Variants in EYS observed in about 807,000 individuals in gnomAD.
EYS encodes the protein protein eyes shut homolog.
EYS carries 250 observed loss-of-function variants against 282.1 expected under a neutral mutation model. The ratio of observed to expected loss-of-function variants is 0.89; its 90% CI spans 0.80 to 0.98. The LOEUF (loss-of-function observed/expected upper bound fraction) is 0.98. EYS is among the 50% of genes least tolerant of loss of function. EYS has a pLI of 0.00. For synonymous variants in EYS, 1,355 were observed against 1,282.9 expected (o/e 1.06, Z -1.20); for missense variants, 4,016 against 3,709.0 (o/e 1.08, Z -2.15).
At chr6:65,111,956 C>T (rs1481388508) in intron 12 of EYS, among the ~76,000 whole-genome samples, 1 of 152,260 alleles carries the variant, frequency 6.6e-6, no homozygotes, top group Non-Finnish European at 1.5e-5. Context: ...TACTCACTTT[C>T]AACTTGGAGC....
chr6:65,172,576 T>A (rs1028370601), intron 12 of EYS, among the ~76,000 whole-genome samples: 7 of 151,402 alleles, frequency 4.6e-5, no homozygotes, highest in African/African-American at 1.7e-4. Context: ...AAATTTATAT[T>A]AAAAATTCAT....
rs145715169 is a variant in EYS at position 63,914,835 on chromosome 6, G to T, written c.7056-50477C>A. Among the ~76,000 whole-genome samples the T allele has an allele frequency of 5.5e-3, 837 of 152,234 alleles. 13 individuals carry two copies. Among genetic ancestry groups the T allele is most frequent in the African/African-American group, 0.019 (809 of 41,536 alleles). On this transcript the variant is annotated intron_variant, in intron 35 of 42. Coordinates refer to ENST00000503581, the MANE Select transcript of EYS (RefSeq NM_001142800.2). ...AAGCCAAAAGCTAATCCAGAGCAGG[G>T]CCTTAACTCTTTTTTGATTGTATGA...
At position 64,589,986 on chromosome 6, in the gene EYS, C is replaced by G. The variant is rs186326077; in HGVS notation, c.5644+237G>C. ...ACTAGTTCAGTTTCTGATTGCTTGA[C>G]AGCAGTATAGCTGTCTCCAACCTAC... is the stretch of plus-strand genomic sequence containing the variant. On this transcript the variant is annotated intron_variant, in intron 26 of 42. Transcript: ENST00000503581. Among the ~76,000 whole-genome samples, 163 of 152,202 alleles carry G rather than the reference C, an allele frequency of 1.1e-3. 1 individual carries two copies. Among genetic ancestry groups the G allele is most frequent in the Middle Eastern group, 6.8e-3 (2 of 294 alleles).
chr6:64,348,846 C>A (rs901871333), intron 29 of EYS, among the ~76,000 whole-genome samples: 7 of 151,408 alleles, frequency 4.6e-5, no homozygotes, highest in African/African-American at 1.7e-4. Flanking sequence ...TCTTTACAGT[C>A]TTATTTACCA....
rs142590049 is a variant in EYS at position 65,057,740 on chromosome 6, G to GAA, written c.2024-14_2024-13insTT. 1.5e-3 allele frequency: 2,159 copies of GAA among 1,431,286 alleles called. No homozygotes were observed. The highest frequency in any genetic ancestry group is 1.8e-3 in the Non-Finnish European group (1,904 of 1,046,380). The allele number at this position is 1,431,286 out of a possible 1,614,324, so 88.7% of individuals were successfully genotyped here. Reference sequence around the variant, plus strand: ...TCACATTGCGTACCTTTGGAAAATAGGAAAAAAAAATGTTAAGTGTTAACA... The same window carrying GAA: ...TCACATTGCGTACCTTTGGAAAATAGAAGAAAAAAAAATGTTAAGTGTTAACA... On this transcript the variant is annotated splice_polypyrimidine_tract_variant and intron_variant, in intron 12 of 42. Coordinates refer to ENST00000503581, the MANE Select transcript of EYS (RefSeq NM_001142800.2).
In EYS at chr6:65,041,367, T is replaced by A. The variant is rs1034811102; in HGVS notation, c.2137+16247A>T. On this transcript the variant is annotated intron_variant, in intron 13 of 42. Transcript: ENST00000503581. Reference sequence around the variant, plus strand: ...ACCATGAGGTAAGAGTTAAGATATGTCCTCATGATTTAAAAATATATTTAT... The same window carrying A: ...ACCATGAGGTAAGAGTTAAGATATGACCTCATGATTTAAAAATATATTTAT... 3.3e-5 allele frequency among the ~76,000 whole-genome samples: 5 copies of A among 151,746 alleles called. No homozygotes were observed. The South Asian group carries it at 1.0e-3, about 31-fold the overall frequency.
chr6:64,455,432 TTTATTA>T (rs1408932556), intron 26 of EYS, among the ~76,000 whole-genome samples: 2 of 138,568 alleles, frequency 1.4e-5, no homozygotes, highest in East Asian at 2.5e-4. Flanking sequence ...GTTCTTTTGT[TTTATTA>T]TTATTATTTT....
At chr6:64,870,971 A>G (rs1172497417) in intron 19 of EYS, among the ~76,000 whole-genome samples, 1 of 151,882 alleles carries the variant, frequency 6.6e-6, no homozygotes, top group African/African-American at 2.4e-5. Context: ...CAACATACAC[A>G]CTGTGGAAGT....
intron 22 of EYS, among the ~76,000 whole-genome samples, chr6:64,685,785 C>A (rs1049083171): frequency 2.0e-5 from 3 of 152,084 alleles, no homozygotes; most frequent in Non-Finnish European, 4.4e-5. Context: ...CTTCAGAATA[C>A]ACTATTTTTT....
chr6:65,648,665 C>T lies in EYS; in HGVS notation c.-447-8773G>A, dbSNP rs546629313. 5.3e-5 allele frequency among the ~76,000 whole-genome samples: 8 copies of T among 151,418 alleles called. No homozygotes were observed. In the South Asian group the frequency reaches 1.5e-3, roughly 28 times the overall value. On this transcript the variant is annotated intron_variant, in intron 1 of 42. Transcript: ENST00000503581. ...AGAAATCACCATTAGAGTACTTATTCATATAACCAAACACCACCTGTTCCC... is the reference window on the plus strand; with the variant it reads ...AGAAATCACCATTAGAGTACTTATTTATATAACCAAACACCACCTGTTCCC...
intron 5 of EYS, among the ~76,000 whole-genome samples, chr6:65,412,532 G>A (rs190114812): frequency 6.6e-6 from 1 of 152,054 alleles, no homozygotes; most frequent in Non-Finnish European, 1.5e-5. Context: ...ATTTTAATAG[G>A]TATGTAGCAA....
chr6:65,161,455 C>T lies in EYS; in HGVS notation c.2024-103728G>A, dbSNP rs1405773732. On this transcript the variant is annotated intron_variant, in intron 12 of 42. Transcript: ENST00000503581. ...GCAAAATTATGCATTTTTGCCTTGCCCATTTCCTCCAATTTTATTTATAGA... is the reference window on the plus strand; with the variant it reads ...GCAAAATTATGCATTTTTGCCTTGCTCATTTCCTCCAATTTTATTTATAGA... Among the ~76,000 whole-genome samples the T allele has an allele frequency of 7.3e-5, 11 of 150,820 alleles. 1 individual carries two copies. The South Asian group carries it at 1.0e-3, about 14-fold the overall frequency.
intron 25 of EYS, among the ~76,000 whole-genome samples, chr6:64,592,227 C>G (rs1766434813): frequency 6.6e-6 from 1 of 152,062 alleles, no homozygotes; most frequent in Non-Finnish European, 1.5e-5. Flanking sequence ...AAAGTTAGAA[C>G]AAATGGCATT....
chr6:64,113,496 T>A (rs11970264), intron 31 of EYS, among the ~76,000 whole-genome samples: 6,424 of 152,280 alleles, frequency 0.042, 399 homozygotes, highest in African/African-American at 0.14. Context: ...TTACAGTATT[T>A]ACTCCGTAAA....
At chr6:64,446,107 C>T (rs996533812) in intron 26 of EYS, among the ~76,000 whole-genome samples, 5 of 152,174 alleles carry the variant, frequency 3.3e-5, no homozygotes, top group African/African-American at 1.2e-4. Context: ...TTTCTAGAAA[C>T]TCATATGGAG....
intron 7 of EYS, among the ~76,000 whole-genome samples, chr6:65,388,373 G>A (rs953919222): frequency 1.3e-5 from 2 of 151,908 alleles, no homozygotes; most frequent in African/African-American, 4.8e-5. Context: ...GATAGGGAGA[G>A]GTGCTATATA....
chr6:65,333,264 A>G (rs1769862191), intron 11 of EYS, among the ~76,000 whole-genome samples: 2 of 151,490 alleles, frequency 1.3e-5, no homozygotes, highest in South Asian at 4.1e-4. Flanking sequence ...AGTCTTTTCT[A>G]ATTTCTCTTG....
intron 5 of EYS, among the ~76,000 whole-genome samples, chr6:65,477,361 AAAATATGC>A (rs1380003719): frequency 6.6e-6 from 1 of 152,224 alleles, no homozygotes; most frequent in Non-Finnish European, 1.5e-5. Flanking sequence ...ACAAAGAATG[AAAATATGC>A]AGACTTCAAC....
intron 12 of EYS, among the ~76,000 whole-genome samples, chr6:65,092,129 C>A (rs1462519741): frequency 6.6e-6 from 1 of 151,930 alleles, no homozygotes; most frequent in African/African-American, 2.4e-5. Context: ...AATACAATTA[C>A]CAGAAAAATA....
Sources: allele counts gnomAD v4.1 joint callset (sites outside exome capture counted in the v4.1 genomes callset), GRCh38; gene constraint gnomAD v4.1.1; transcripts MANE v1.5; gene names NCBI Gene and HGNC (gene_info 2026-07-23, HGNC 2026-07-21).